The following FAT3 variants were observed in gnomAD, a reference collection of about 807,000 sequenced individuals.
The protein encoded by FAT3 is protocadherin Fat 3.
In FAT3, 95 loss-of-function variants were observed where a neutral mutation model predicts 310.2. The ratio of observed to expected loss-of-function variants is 0.31; its 90% CI spans 0.26 to 0.36. The LOEUF (loss-of-function observed/expected upper bound fraction) is 0.36, where lower values mean the gene tolerates loss of function less well. Ranked by LOEUF, FAT3 falls within the 10% of genes least tolerant of loss-of-function variation. The pLI, the probability that FAT3 is intolerant of heterozygous loss-of-function variation, is 1.00. For missense variants in FAT3, 5,408 were observed against 5,715.6 expected, an observed-to-expected ratio of 0.95 and a Z score of 1.74; for synonymous variants, 2,314 against 2,192.9, an observed-to-expected ratio of 1.06 and a Z score of -1.54.
Position 92,352,071 on chromosome 11 carries a change from TTCTCTC to T in FAT3, c.-17-19_-17-14del. ...TCTTCTAGGATGGTTAATTTATCTT[TTCTCTC>T]TCTCTTTCTTCCCTCCAGGATGGAA... On this transcript the variant is annotated intron_variant, in intron 1 of 27. Transcript: ENST00000525166. 2 of 1,236,918 alleles carry T rather than the reference TTCTCTC, an allele frequency of 1.6e-6. No individual in the cohort carries two copies. Among genetic ancestry groups the T allele is most frequent in the Non-Finnish European group, 2.1e-6 (2 of 956,034 alleles). The allele number at this position is 1,236,918 out of a possible 1,614,324, so 76.6% of individuals were successfully genotyped here.
chr11:92,604,182 G>A (rs189429928), intron 3 of FAT3, among the ~76,000 whole-genome samples: 2 of 152,286 alleles, frequency 1.3e-5, no homozygotes, highest in African/African-American at 4.8e-5. Context: ...CTTCTTGAAA[G>A]TTTACCCATA....
Position 92,430,080 on chromosome 11 carries a change from C to A in FAT3, c.3292+74676C>A, listed in dbSNP as rs189571318. On this transcript the variant is annotated intron_variant, in intron 2 of 27. Transcript: ENST00000525166. Reference sequence around the variant, plus strand: ...CATGGAGGTTTTGTTCATTCCTTTTCATTCTTTATTCTCTAATCTTGTCTT... The same window carrying A: ...CATGGAGGTTTTGTTCATTCCTTTTAATTCTTTATTCTCTAATCTTGTCTT... Among the ~76,000 whole-genome samples the A allele has an allele frequency of 2.8e-3, 428 of 152,214 alleles. 3 individuals carry two copies. The highest frequency in any genetic ancestry group is 9.4e-3 in the African/African-American group (392 of 41,544).
chr11:92,449,900 G>A (rs1317974650), intron 2 of FAT3, among the ~76,000 whole-genome samples: 1 of 152,136 alleles, frequency 6.6e-6, no homozygotes, highest in Non-Finnish European at 1.5e-5. Context: ...TTAACTTTCT[G>A]TTGAAAGTTC....
chr11:92,532,804 G>T (rs545856483), intron 3 of FAT3, among the ~76,000 whole-genome samples: 1 of 152,188 alleles, frequency 6.6e-6, no homozygotes, highest in South Asian at 2.1e-4. Context: ...CCTTCTGACG[G>T]ATCAATATGT....
chr11:92,682,529 C>T (rs916193780), intron 3 of FAT3, among the ~76,000 whole-genome samples: 6 of 152,170 alleles, frequency 3.9e-5, no homozygotes, highest in African/African-American at 9.7e-5. Context: ...ACGTAATAAT[C>T]GCTCTCACTC....
chr11:92,287,675 C>T lies in FAT3; in HGVS notation c.-18+62501C>T, dbSNP rs996180215. 1.4e-4 allele frequency among the ~76,000 whole-genome samples: 21 copies of T among 152,084 alleles called. 1 individual carries two copies. The highest frequency in any genetic ancestry group is 1.2e-3 in the Admixed American group (18 of 15,254). On this transcript the variant is annotated intron_variant, in intron 1 of 27. Transcript: ENST00000525166. ...CTCACCATTCCAAATACTTGTGCTC[C>T]CCTCTTAAGTTATCCCTGTGGTTTC... is the stretch of plus-strand genomic sequence containing the variant.
At chr11:92,614,515 T>C (rs2135638051) in intron 3 of FAT3, among the ~76,000 whole-genome samples, 1 of 152,340 alleles carries the variant, frequency 6.6e-6, no homozygotes, top group South Asian at 2.1e-4. Flanking sequence ...GTGTATCTTT[T>C]CATGTGCTAT....
intron 21 of FAT3, among the ~76,000 whole-genome samples, chr11:92,863,661 T>C (rs1358761527): frequency 6.6e-6 from 1 of 152,246 alleles, no homozygotes; most frequent in Non-Finnish European, 1.5e-5. Flanking sequence ...CCTCAATTTC[T>C]ATTAAAATAG....
chr11:92,238,768 T>C (rs1375142417), intron 1 of FAT3, among the ~76,000 whole-genome samples: 1 of 151,944 alleles, frequency 6.6e-6, no homozygotes, highest in African/African-American at 2.4e-5. Flanking sequence ...ATTTTTACCA[T>C]AGAGATGATA....
intron 21 of FAT3, among the ~76,000 whole-genome samples, chr11:92,861,258 G>T (rs1368334921): frequency 6.6e-6 from 1 of 152,168 alleles, no homozygotes; most frequent in Non-Finnish European, 1.5e-5. Flanking sequence ...CTCTAACAGG[G>T]CTGGTGGTTG....
chr11:92,246,970 C>T (rs78283831), intron 1 of FAT3, among the ~76,000 whole-genome samples: 9 of 152,166 alleles, frequency 5.9e-5, no homozygotes, highest in East Asian at 5.8e-4. Flanking sequence ...AAGACTGATA[C>T]ATTTGTCACA....
rs1377618131 is a variant in FAT3 at position 92,353,809 on chromosome 11, T to C, written c.1697T>C (p.Ile566Thr). 1.9e-6 allele frequency: 3 copies of C among 1,613,508 alleles called. No homozygotes were observed. The highest frequency in any genetic ancestry group is 2.5e-6 in the Non-Finnish European group (3 of 1,179,678). The change falls in exon 2 of 28, where the codon ATT (isoleucine) becomes ACT (threonine). Residue 566 changes from isoleucine (I) to threonine (T), a missense_variant. By Grantham distance (89) the Ile-to-Thr change is moderately conservative (BLOSUM62 -1). Around this residue, in one of 5 missense-constraint regions of FAT3, gnomAD observed 4,588 missense variants for 4,809.8 expected, o/e 0.95. Transcript: ENST00000525166. ...CATGAAAGTGAGGTCAATGTGACTA[T>C]TCGAATAGGAAATGTCAACGACAAC... ...YRHESEVNVT[I>T]RIGNVNDNSP...
At chr11:92,344,823 G>A (rs536054490) in intron 1 of FAT3, among the ~76,000 whole-genome samples, 1 of 152,242 alleles carries the variant, frequency 6.6e-6, no homozygotes, top group East Asian at 1.9e-4. Context: ...TTGGTTTCAG[G>A]CATTCACTGG....
chr11:92,807,642 T>G (rs1055474099), intron 12 of FAT3, among the ~76,000 whole-genome samples: 4 of 152,198 alleles, frequency 2.6e-5, no homozygotes, highest in Non-Finnish European at 5.9e-5. Flanking sequence ...CACTTTGAAA[T>G]GGCTTTAGGG....
intron 2 of FAT3, among the ~76,000 whole-genome samples, chr11:92,421,756 G>T (rs1950537475): frequency 6.6e-6 from 1 of 152,176 alleles, no homozygotes; most frequent in Non-Finnish European, 1.5e-5. Context: ...TGAGGACTGA[G>T]TCAACTCTCC....
At chr11:92,332,653 A>G (rs1228810147) in intron 1 of FAT3, among the ~76,000 whole-genome samples, 2 of 151,842 alleles carry the variant, frequency 1.3e-5, no homozygotes, top group Non-Finnish European at 2.9e-5. Context: ...TACCCTTAAA[A>G]CTCAGTTTTA....
At chr11:92,660,026 T>C (rs184801527) in intron 3 of FAT3, among the ~76,000 whole-genome samples, 9 of 152,230 alleles carry the variant, frequency 5.9e-5, no homozygotes, top group Admixed American at 3.9e-4. Flanking sequence ...CCAGGCAGCA[T>C]AGAGGAGAAA....
At chr11:92,226,112 G>A (rs547031800) in intron 1 of FAT3, among the ~76,000 whole-genome samples, 9 of 152,244 alleles carry the variant, frequency 5.9e-5, no homozygotes, top group African/African-American at 1.9e-4. Flanking sequence ...AGTGTAGGGG[G>A]CTGAGGGGCG....
intron 2 of FAT3, among the ~76,000 whole-genome samples, chr11:92,499,823 G>A (rs1254891339): frequency 1.3e-5 from 2 of 151,854 alleles, no homozygotes; most frequent in Admixed American, 1.3e-4. Flanking sequence ...GGTGTTGGAA[G>A]TGGATACACA....
Sources: gnomAD v4.1 joint callset for allele counts (sites outside exome capture counted in the v4.1 genomes callset) on GRCh38, gnomAD v4.1.1 for gene constraint, gnomAD v4.1.1 regional missense constraint, MANE v1.5 for transcripts, NCBI Gene and HGNC (gene_info 2026-07-23, HGNC 2026-07-21) for gene names.